Variants in CCDC30 observed in about 807,000 individuals in gnomAD.
CCDC30 encodes coiled-coil domain-containing protein 30.
CCDC30 carries 70 observed loss-of-function variants against 100.2 expected under a neutral mutation model. The observed-to-expected ratio is 0.70, with a 90% CI of 0.58 to 0.85. CCDC30 has a LOEUF of 0.85. Among genes scored for constraint, CCDC30 ranks in the 40% least tolerant of loss-of-function variants. CCDC30 has a pLI of 0.00. For missense variants in CCDC30, 652 were observed against 771.2 expected, an observed-to-expected ratio of 0.85 and a Z score of 1.83; for synonymous variants, 233 against 269.5, an observed-to-expected ratio of 0.86 and a Z score of 1.33.
chr1:42,469,093 A>T (rs997779791), intron 1 of CCDC30, among the ~76,000 whole-genome samples: 3 of 152,122 alleles, frequency 2.0e-5, no homozygotes, highest in African/African-American at 7.2e-5. Context: ...ACAAACAAAA[A>T]CAGGGCCAGA....
chr1:42,635,052 T>G (rs998198294), intron 11 of CCDC30, among the ~76,000 whole-genome samples: 9 of 152,140 alleles, frequency 5.9e-5, no homozygotes, highest in African/African-American at 1.7e-4. Flanking sequence ...CGTATTTGGT[T>G]TTTTTTGTTT....
intron 7 of CCDC30, among the ~76,000 whole-genome samples, chr1:42,568,363 G>T (rs1211441148): frequency 2.6e-5 from 4 of 152,040 alleles, no homozygotes; most frequent in African/African-American, 4.8e-5. Flanking sequence ...GATCCTTCCG[G>T]CTTAGCTTCC....
intron 10 of CCDC30, among the ~76,000 whole-genome samples, chr1:42,597,146 T>A (rs1646305698): frequency 6.6e-6 from 1 of 152,056 alleles, no homozygotes; most frequent in Non-Finnish European, 1.5e-5. Flanking sequence ...ACAGAATATC[T>A]AAGATCTGTG....
At chr1:42,637,152 G>T in intron 11 of CCDC30, 85 bp from the exon 16 acceptor site, 1 of 1,051,752 alleles carries the variant, frequency 9.5e-7, no homozygotes, top group Non-Finnish European at 1.4e-6. Flanking sequence ...GCAAGAAGAG[G>T]ACACCCAAGA....
intron 11 of CCDC30, among the ~76,000 whole-genome samples, chr1:42,615,872 A>G (rs1422665897): frequency 6.6e-6 from 1 of 151,996 alleles, no homozygotes; most frequent in Non-Finnish European, 1.5e-5. Context: ...AAGTGCACTT[A>G]TAGACAGAAA....
At chr1:42,482,402 T>A (rs1427290403) in intron 2 of CCDC30, among the ~76,000 whole-genome samples, 1 of 152,004 alleles carries the variant, frequency 6.6e-6, no homozygotes, top group African/African-American at 2.4e-5. Flanking sequence ...TACACTCATA[T>A]CTCTTGGATG....
intron 6 of CCDC30, among the ~76,000 whole-genome samples, chr1:42,563,643 G>A (rs1045145047): frequency 3.3e-5 from 5 of 152,132 alleles, no homozygotes; most frequent in Non-Finnish European, 5.9e-5. Context: ...CACTTTGGGA[G>A]GCCAAGGCGG....
chr1:42,575,185 A>T (rs1645807281), intron 7 of CCDC30, among the ~76,000 whole-genome samples: 1 of 152,192 alleles, frequency 6.6e-6, no homozygotes, highest in African/African-American at 2.4e-5. Context: ...CATTAAAACA[A>T]AGTAAATTCT....
At chr1:42,538,103 A>G (rs2148522863) in intron 6 of CCDC30, 1 of 145,266 alleles carries the variant, frequency 6.9e-6, no homozygotes, top group Admixed American at 7.1e-5. Flanking sequence ...GAGGATCACT[A>G]GGAGCTCAAG....
At chr1:42,473,702 C>A in intron 1 of CCDC30, 1 of 168,100 alleles carries the variant, frequency 5.9e-6, no homozygotes. Flanking sequence ...AGAGATGAGA[C>A]ACCTCCTTTT....
intron 10 of CCDC30, among the ~76,000 whole-genome samples, chr1:42,599,840 C>T (rs527984992): frequency 1.1e-4 from 17 of 152,240 alleles, no homozygotes; most frequent in Admixed American, 2.0e-4. Flanking sequence ...GACATACCTG[C>T]GACTGGGTAA....
rs553773298 is a variant in CCDC30, at chr1:42,500,349, G to GGAAAA, written c.456+1435_456+1439dup. 254 of 1,590,960 alleles carry GGAAAA rather than the reference G, an allele frequency of 1.6e-4. 1 individual carries two copies. The South Asian group carries it at 1.9e-3, about 12-fold the overall frequency. The stretch of plus-strand genomic sequence containing the variant: ...CGGGTTTGTCAGACATAGTTGCCGA[G>GGAAAA]GAAAAGCGGAGTGAGGTGCGTGAGA... On this transcript the variant is annotated intron_variant, in intron 6 of 16. Coordinates refer to ENST00000668663, the Ensembl canonical transcript of CCDC30.
At chr1:42,538,145 T>TAAA (rs1644941032) in intron 6 of CCDC30, among the ~76,000 whole-genome samples, 1 of 78,922 alleles carries the variant, frequency 1.3e-5, no homozygotes. Flanking sequence ...GGACACTGTC[T>TAAA]CCACAAAAAA....
chr1:42,532,605 A>T (rs1030404837), intron 6 of CCDC30, among the ~76,000 whole-genome samples: 6 of 152,206 alleles, frequency 3.9e-5, no homozygotes, highest in Non-Finnish European at 5.9e-5. Context: ...ATTTAATCCC[A>T]ATAACAGCGT....
intron 1 of CCDC30, among the ~76,000 whole-genome samples, chr1:42,475,798 T>A (rs998194029): frequency 1.3e-5 from 2 of 152,126 alleles, no homozygotes; most frequent in African/African-American, 4.8e-5. Flanking sequence ...AGAGATCATG[T>A]CCTAGTTTTA....
intron 6 of CCDC30, among the ~76,000 whole-genome samples, chr1:42,550,807 C>G (rs1214900262): frequency 6.6e-6 from 1 of 152,134 alleles, no homozygotes; most frequent in Non-Finnish European, 1.5e-5. Flanking sequence ...TATTTGAATC[C>G]TTAGTATGTG....
chr1:42,577,982 A>G (rs990768489), intron 8 of CCDC30, among the ~76,000 whole-genome samples: 1 of 152,208 alleles, frequency 6.6e-6, no homozygotes, highest in Non-Finnish European at 1.5e-5. Context: ...TGATCAGATC[A>G]GGGTAATTAT....
chr1:42,548,993 G>C (rs1645196953), intron 6 of CCDC30, among the ~76,000 whole-genome samples: 1 of 152,114 alleles, frequency 6.6e-6, no homozygotes, highest in African/African-American at 2.4e-5. Context: ...TTGTTTTTCT[G>C]TTTATAGTTC....
intron 12 of CCDC30, 66 bp from the exon 17 acceptor site, chr1:42,642,407 G>T: frequency 7.5e-7 from 1 of 1,335,346 alleles, no homozygotes; most frequent in South Asian, 2.2e-5. Flanking sequence ...TTAGAAACAG[G>T]CTTATGCTCT....
Sources: allele counts gnomAD v4.1 joint callset (sites outside exome capture counted in the v4.1 genomes callset), GRCh38; gene constraint gnomAD v4.1.1; transcripts MANE v1.5; gene names NCBI Gene and HGNC (gene_info 2026-07-23, HGNC 2026-07-21).